Variants in OPCML observed in about 807,000 individuals in gnomAD.
OPCML encodes opioid binding protein/cell adhesion molecule like, also known as opioid-binding protein/cell adhesion molecule.
Under a neutral mutation model 37.8 loss-of-function variants are expected in OPCML, and 13 were observed. That is an observed-to-expected ratio of 0.34 (90% CI 0.22 to 0.55). The LOEUF (loss-of-function observed/expected upper bound fraction) is 0.55. Among genes scored for constraint, OPCML ranks in the 20% least tolerant of loss-of-function variants. The pLI is 0.91. For synonymous variants in OPCML, 176 were observed against 168.8 expected (o/e 1.04, Z -0.33); for missense variants, 341 against 435.6 (o/e 0.78, Z 1.93).
At chr11:132,594,694 T>G (rs2096489764) in intron 3 of OPCML, among the ~76,000 whole-genome samples, 1 of 152,194 alleles carries the variant, frequency 6.6e-6, no homozygotes, top group African/African-American at 2.4e-5. Context: ...AGAAAGTCTA[T>G]TGGCCAAGGG....
At chr11:132,599,112 C>T (rs578080144) in intron 3 of OPCML, among the ~76,000 whole-genome samples, 6 of 152,228 alleles carry the variant, frequency 3.9e-5, no homozygotes, top group African/African-American at 1.4e-4. Flanking sequence ...AACCCCATCT[C>T]TACTAAAAAT....
At chr11:132,463,852 G>A (rs2096111190) in intron 4 of OPCML, among the ~76,000 whole-genome samples, 1 of 152,144 alleles carries the variant, frequency 6.6e-6, no homozygotes. Context: ...TGCTAGTCTA[G>A]CTACTGTGCA....
chr11:133,237,148 TAGGG>T (rs1940552387), intron 1 of OPCML, among the ~76,000 whole-genome samples: 4 of 152,224 alleles, frequency 2.6e-5, no homozygotes, highest in Admixed American at 1.3e-4. Context: ...CATTTAATGA[TAGGG>T]CAGCCCACAT....
At chr11:132,861,013 C>A (rs528962518) in intron 2 of OPCML, among the ~76,000 whole-genome samples, 1 of 152,160 alleles carries the variant, frequency 6.6e-6, no homozygotes, top group African/African-American at 2.4e-5. Flanking sequence ...TACAAGGCCA[C>A]GATTTGCCAG....
At chr11:132,887,765 G>A (rs1943479044) in intron 2 of OPCML, among the ~76,000 whole-genome samples, 1 of 152,204 alleles carries the variant, frequency 6.6e-6, no homozygotes, top group Non-Finnish European at 1.5e-5. Context: ...AAAACATAAG[G>A]GATCGGCAGA....
Position 133,317,133 on chromosome 11 carries a change from G to T in OPCML, c.61+215131C>A, listed in dbSNP as rs551688735. Among the ~76,000 whole-genome samples, 4 of 152,294 alleles carry T rather than the reference G, an allele frequency of 2.6e-5. No homozygotes were observed. In the South Asian group the frequency reaches 6.2e-4, roughly 24 times the overall value. ...GAATCACCTGAACCCAGAGGCGGAG[G>T]TTGCAGTGAGCCAAGATCACACTGC... On this transcript the variant is annotated intron_variant, in intron 1 of 7. Coordinates refer to ENST00000524381, the MANE Select transcript of OPCML (RefSeq NM_001012393.5).
At chr11:132,784,006 C>T (rs564328047) in intron 2 of OPCML, among the ~76,000 whole-genome samples, 2 of 152,274 alleles carry the variant, frequency 1.3e-5, no homozygotes, top group South Asian at 4.1e-4. Context: ...GATTAGCAAA[C>T]ATCATTTGTA....
intron 2 of OPCML, among the ~76,000 whole-genome samples, chr11:132,661,578 G>C (rs986161136): frequency 4.6e-5 from 7 of 152,140 alleles, no homozygotes; most frequent in African/African-American, 1.7e-4. Context: ...AGCACAGAGG[G>C]GAACACTTTT....
chr11:132,721,950 C>CAT (rs1944685113), intron 2 of OPCML, among the ~76,000 whole-genome samples: 1 of 82,782 alleles, frequency 1.2e-5, no homozygotes, highest in Admixed American at 1.7e-4. Context: ...CTTTCCTTCC[C>CAT]TTTTTTTTTT....
intron 1 of OPCML, among the ~76,000 whole-genome samples, chr11:133,134,066 A>C (rs190108818): frequency 6.6e-4 from 101 of 152,276 alleles, no homozygotes; most frequent in African/African-American, 2.3e-3. Flanking sequence ...TCCCTGCCAC[A>C]TAATGAAAAC....
intron 2 of OPCML, among the ~76,000 whole-genome samples, chr11:132,743,992 T>C (rs549480768): frequency 3.7e-4 from 57 of 152,340 alleles, no homozygotes; most frequent in African/African-American, 1.3e-3. Flanking sequence ...CTTTGTGTCA[T>C]GCGTACCTAC....
rs148792756 is a variant in OPCML at position 132,549,148 on chromosome 11, G to A, written c.380-19962C>T. On this transcript the variant is annotated intron_variant, in intron 3 of 7. Transcript: ENST00000524381. ...TAAAACAGGATGTGGTAAAGACGCCGGCCAAAACTCACCAAAACCAAGATG... is the reference window on the plus strand; with the variant it reads ...TAAAACAGGATGTGGTAAAGACGCCAGCCAAAACTCACCAAAACCAAGATG... Among the ~76,000 whole-genome samples, 1,052 of 152,212 alleles carry A rather than the reference G, an allele frequency of 6.9e-3. 19 individuals are homozygous for A. The highest frequency in any genetic ancestry group is 0.023 in the African/African-American group (976 of 41,536).
At chr11:132,543,788 G>T (rs2096362777) in intron 3 of OPCML, among the ~76,000 whole-genome samples, 1 of 152,044 alleles carries the variant, frequency 6.6e-6, no homozygotes, top group South Asian at 2.1e-4. Context: ...TCACTATCAT[G>T]CTGGATCCAC....
rs151333136 is a variant in OPCML at position 133,173,615 on chromosome 11, C to G, written c.62-230605G>C. Among the ~76,000 whole-genome samples the G allele has an allele frequency of 3.9e-4, 60 of 152,246 alleles. No homozygotes were observed. Among genetic ancestry groups the G allele is most frequent in the African/African-American group, 1.4e-3 (57 of 41,534 alleles). On this transcript the variant is annotated intron_variant, in intron 1 of 7. Transcript: ENST00000524381. This position sits in a 1 kb window ranked among gnomAD's most constrained non-coding sequence, Gnocchi z 7.8. ...CTTTCAAATCACCCCCCAGATGCCT[C>G]TCATTGCAAAAATTAGCAGTAACGC...
At chr11:132,568,051 C>CGTGTGTGT (rs151226115) in intron 3 of OPCML, among the ~76,000 whole-genome samples, 1 of 149,882 alleles carries the variant, frequency 6.7e-6, no homozygotes, top group African/African-American at 2.5e-5. Flanking sequence ...TGCGCGCGCG[C>CGTGTGTGT]GCGTGTGTGT....
intron 3 of OPCML, among the ~76,000 whole-genome samples, chr11:132,604,760 C>G (rs1207265370): frequency 6.6e-6 from 1 of 152,116 alleles, no homozygotes; most frequent in Admixed American, 6.5e-5. Context: ...GAACAACAGC[C>G]TTTTTAATTA....
At chr11:133,288,884 C>G (rs1023178896) in intron 1 of OPCML, among the ~76,000 whole-genome samples, 15 of 152,204 alleles carry the variant, frequency 9.9e-5, no homozygotes, top group African/African-American at 3.6e-4. Context: ...TGCCTGACCT[C>G]GTCCCTTAGT....
In OPCML at chr11:132,901,852, TTCCTTAAAAATATATGTAAAC is replaced by T. The variant is rs772889751; in HGVS notation, c.146+41053_146+41073del. 1.0e-3 allele frequency among the ~76,000 whole-genome samples: 155 copies of T among 152,320 alleles called. 1 individual carries two copies. The Middle Eastern group carries it at 0.014, about 13-fold the overall frequency. ...TCTTGATTTACACGTGACAGATGTC[TTCCTTAAAAATATATGTAAAC>T]TGAATTGTACTTGGAATTCACAAGG... On this transcript the variant is annotated intron_variant, in intron 2 of 7. Transcript: ENST00000524381.
At chr11:133,425,813 T>C (rs1945991453) in intron 1 of OPCML, among the ~76,000 whole-genome samples, 1 of 152,212 alleles carries the variant, frequency 6.6e-6, no homozygotes, top group Admixed American at 6.5e-5. Context: ...ATCTCCTTGA[T>C]TTAACTATTT....
Sources: allele counts gnomAD v4.1 joint callset (sites outside exome capture counted in the v4.1 genomes callset), GRCh38; gene constraint gnomAD v4.1.1; non-coding constraint Gnocchi (gnomAD v3.1); transcripts MANE v1.5; gene names NCBI Gene and HGNC (gene_info 2026-07-23, HGNC 2026-07-21).